Variants in HPGDS observed in about 807,000 individuals in gnomAD.
The protein encoded by HPGDS is GST class-sigma.
Under a neutral mutation model 23.1 loss-of-function variants are expected in HPGDS, and 26 were observed. The ratio of observed to expected loss-of-function variants is 1.13; its 90% CI spans 0.83 to 1.56. HPGDS has a LOEUF of 1.56. Among genes scored for constraint, HPGDS ranks in the 40% most tolerant of loss-of-function variants. The pLI is 0.00. For synonymous variants in HPGDS, 95 were observed against 77.9 expected, an observed-to-expected ratio of 1.22 and a Z score of -1.16; for missense variants, 268 against 236.4, an observed-to-expected ratio of 1.13 and a Z score of -0.88.
chr4:94,334,375 G>A (rs1756786104), intron 2 of HPGDS, 122 bp downstream of exon 2: 15 of 873,444 alleles, frequency 1.7e-5, no homozygotes, highest in South Asian at 1.2e-4. Flanking sequence ...AGTCTGAACT[G>A]CTGCTTTTCA....
intron 4 of HPGDS, chr4:94,303,907 G>A (rs937420646): frequency 3.3e-5 from 5 of 152,024 alleles, no homozygotes; most frequent in South Asian, 2.1e-4. Flanking sequence ...TGTAAGTTTG[G>A]TGAATTATTT....
chr4:94,309,225 C>T (rs1265031438), intron 3 of HPGDS, among the ~76,000 whole-genome samples: 1 of 151,420 alleles, frequency 6.6e-6, no homozygotes, highest in African/African-American at 2.4e-5. Flanking sequence ...CACCCATTAA[C>T]TCGTCATTTA....
chr4:94,326,428 G>T (rs935578844), intron 2 of HPGDS, among the ~76,000 whole-genome samples: 1 of 151,564 alleles, frequency 6.6e-6, no homozygotes, highest in Admixed American at 6.6e-5. Flanking sequence ...TTTTTCTTTG[G>T]TCTGACTGGG....
At chr4:94,301,122 A>G (rs1348787894) in intron 5 of HPGDS, among the ~76,000 whole-genome samples, 1 of 152,196 alleles carries the variant, frequency 6.6e-6, no homozygotes, top group Non-Finnish European at 1.5e-5. Context: ...TTGAAAGTTG[A>G]GAATAAAGAT....
chr4:94,304,573 G>A (rs1309463830), intron 4 of HPGDS, among the ~76,000 whole-genome samples: 1 of 152,054 alleles, frequency 6.6e-6, no homozygotes, highest in Non-Finnish European at 1.5e-5. Flanking sequence ...CAAGATGGCA[G>A]CAATGTAGCC....
At chr4:94,320,520 G>A (rs371369952) in intron 2 of HPGDS, among the ~76,000 whole-genome samples, 1 of 152,158 alleles carries the variant, frequency 6.6e-6, no homozygotes, top group Non-Finnish European at 1.5e-5. Context: ...CAGTGATGAC[G>A]AGCATTTTTT....
intron 1 of HPGDS, among the ~76,000 whole-genome samples, 167 bp downstream of exon 1, chr4:94,342,628 A>G (rs1390032224): frequency 1.3e-5 from 2 of 152,196 alleles, no homozygotes; most frequent in African/African-American, 4.8e-5. Flanking sequence ...ACATATTCGC[A>G]TATATGGAGA....
At chr4:94,338,624 T>C (rs1721070871) in intron 1 of HPGDS, among the ~76,000 whole-genome samples, 1 of 152,272 alleles carries the variant, frequency 6.6e-6, no homozygotes, top group South Asian at 2.1e-4. Flanking sequence ...ACTAAAAACT[T>C]ATAGCAAATA....
chr4:94,312,743 A>T (rs1046277836), intron 3 of HPGDS, among the ~76,000 whole-genome samples: 1 of 152,116 alleles, frequency 6.6e-6, no homozygotes, highest in Admixed American at 6.5e-5. Context: ...GTGGGGTGTT[A>T]AAATCTCCCA....
At chr4:94,302,276 T>C (rs751056540) in intron 4 of HPGDS, 32 bp from the exon 5 acceptor site, 5 of 1,449,064 alleles carry the variant, frequency 3.5e-6, no homozygotes, top group Non-Finnish European at 4.8e-6. Flanking sequence ...ACTTTAAGAA[T>C]AATGAGAAGA....
At chr4:94,315,547 A>C (rs1756379467) in intron 3 of HPGDS, among the ~76,000 whole-genome samples, 1 of 152,108 alleles carries the variant, frequency 6.6e-6, no homozygotes, top group Non-Finnish European at 1.5e-5. Flanking sequence ...TGGTCTTCCT[A>C]AAAGTTTTCT....
chr4:94,317,958 T>C lies in HPGDS; in HGVS notation c.141A>G (p.Pro47=), dbSNP rs200436989. The C allele has an allele frequency of 1.2e-6, 2 of 1,600,442 alleles. No homozygotes were observed. The highest frequency in any genetic ancestry group is 1.1e-5 in the South Asian group (1 of 89,936). ...CTTCCAAAATGGGGATTTTTCCAAA[T>C]GGGAGAGCTTAAAATGAAATGAGCA... ...ADWPEIKSTL[P]FGKIPILEVD... Residue 47 remains proline (P), a synonymous_variant, in exon 3 of 6, where the codon CCA becomes CCG. Transcript: ENST00000295256.
At chr4:94,329,213 C>A (rs1579445783) in intron 2 of HPGDS, among the ~76,000 whole-genome samples, 2 of 152,044 alleles carry the variant, frequency 1.3e-5, no homozygotes, top group East Asian at 3.9e-4. Context: ...CTACAACAAC[C>A]TTATGAAGTA....
intron 1 of HPGDS, among the ~76,000 whole-genome samples, chr4:94,335,523 TC>T (rs1720987711): frequency 6.6e-6 from 1 of 152,238 alleles, no homozygotes. Flanking sequence ...GAAATTCAAT[TC>T]TTTGAATTTG....
intron 3 of HPGDS, among the ~76,000 whole-genome samples, chr4:94,308,976 A>C (rs915163046): frequency 2.0e-5 from 3 of 146,734 alleles, no homozygotes; most frequent in Admixed American, 1.4e-4. Context: ...TAAAATATAT[A>C]TCCCACTAGA....
At position 94,318,008 on chromosome 4, in the gene HPGDS, A is replaced by G. The variant is rs767728883; in HGVS notation, c.134-43T>C. The G allele has an allele frequency of 6.2e-6, 7 of 1,129,696 alleles. No individual in the cohort carries two copies. In the East Asian group the frequency reaches 1.2e-4, roughly 19 times the overall value. 70.0% of individuals were successfully genotyped at this position (1,129,696 alleles called of 1,614,324 possible). On this transcript the variant is annotated intron_variant, in intron 2 of 5. Transcript: ENST00000295256. ...AAATAATTAACTTCATAACAAAACC[A>G]GAAGTTATATTACTTCCATTTTTAC...
At chr4:94,323,250 G>A (rs144798936) in intron 2 of HPGDS, among the ~76,000 whole-genome samples, 5,689 of 152,304 alleles carry the variant, frequency 0.037, 145 homozygotes, top group Non-Finnish European at 0.05. Context: ...TTGATTTGGG[G>A]TGGAGAGTTC....
chr4:94,325,551 C>T lies in HPGDS; in HGVS notation c.134-7586G>A, dbSNP rs534942612. On this transcript the variant is annotated intron_variant, in intron 2 of 5. Transcript: ENST00000295256. ...GTTCGATCTCAAACTGCTGCACAAG[C>T]AGTGAGCAAGGCTCCGTGGGCATGG... 2.0e-5 allele frequency among the ~76,000 whole-genome samples: 3 copies of T among 152,322 alleles called. No individual in the cohort carries two copies. The East Asian group carries it at 5.8e-4, about 29-fold the overall frequency.
chr4:94,303,517 T>A (rs551677705), intron 4 of HPGDS, among the ~76,000 whole-genome samples: 1 of 152,272 alleles, frequency 6.6e-6, no homozygotes, highest in African/African-American at 2.4e-5. Flanking sequence ...ATAAAGCTTG[T>A]CATTATTTTG....
Sources: gnomAD v4.1 joint callset for allele counts (sites outside exome capture counted in the v4.1 genomes callset) on GRCh38, gnomAD v4.1.1 for gene constraint, MANE v1.5 for transcripts, NCBI Gene and HGNC (gene_info 2026-07-23, HGNC 2026-07-21) for gene names.